The following GSG1L variants were observed in gnomAD, a reference collection of about 807,000 sequenced individuals.
The protein encoded by GSG1L is germ cell-specific gene 1-like protein.
GSG1L carries 24 observed loss-of-function variants against 42.1 expected under a neutral mutation model. The ratio of observed to expected loss-of-function variants is 0.57; its 90% CI spans 0.41 to 0.80. The LOEUF (loss-of-function observed/expected upper bound fraction) is 0.80. Among genes scored for constraint, GSG1L ranks in the 30% least tolerant of loss-of-function variants. The pLI, the probability that GSG1L is intolerant of heterozygous loss-of-function variation, is 0.00. For synonymous variants in GSG1L, 215 were observed against 203.5 expected (o/e 1.06, Z -0.48); for missense variants, 445 against 472.2 (o/e 0.94, Z 0.53).
intron 1 of GSG1L, among the ~76,000 whole-genome samples, chr16:28,057,784 C>T (rs1260818430): frequency 6.6e-6 from 1 of 152,172 alleles, no homozygotes; most frequent in Non-Finnish European, 1.5e-5. Context: ...TCCTCATGCC[C>T]CAGCCAAGGA....
At chr16:27,979,661 A>G (rs867406620) in intron 1 of GSG1L, among the ~76,000 whole-genome samples, 21 of 67,712 alleles carry the variant, frequency 3.1e-4, no homozygotes, top group African/African-American at 5.8e-4. Context: ...GAAAGAAAGA[A>G]AGAGAGAGAG....
intron 1 of GSG1L, among the ~76,000 whole-genome samples, chr16:27,973,385 A>T (rs2085214329): frequency 7.6e-6 from 1 of 131,736 alleles, no homozygotes. Context: ...TGGAGGTTGC[A>T]GTGAGCTGAG....
Position 27,940,709 on chromosome 16 carries a change from G to C in GSG1L, c.397+22447C>G, listed in dbSNP as rs540092263. Among the ~76,000 whole-genome samples, 44 of 112,248 alleles carry C rather than the reference G, an allele frequency of 3.9e-4. No individual in the cohort carries two copies. In the South Asian group the frequency reaches 5.3e-3, roughly 14 times the overall value. The allele number at this position is 112,248 out of a possible 152,430, so 73.6% of individuals were successfully genotyped here. On this transcript the variant is annotated intron_variant, in intron 2 of 6. Transcript: ENST00000447459. ...CACACTCTGGGGACTGTTGTGGGGTGGGGGGAGTGGGGAGGGATAGCATTA... is the reference window on the plus strand; with the variant it reads ...CACACTCTGGGGACTGTTGTGGGGTCGGGGGAGTGGGGAGGGATAGCATTA...
Position 27,898,501 on chromosome 16 carries a change from A to AT in GSG1L, c.398-13864dup, listed in dbSNP as rs150170060. 7.3e-3 allele frequency among the ~76,000 whole-genome samples: 1,104 copies of AT among 152,020 alleles called. 19 individuals carry two copies. Among genetic ancestry groups the AT allele is most frequent in the African/African-American group, 0.026 (1,067 of 41,446 alleles). Reference sequence around the variant, plus strand: ...ACTGGCTCAAAGACAGGTTTTTGAGATTTTTTGTTTTGTTTACTGTTTGCT... The same window carrying AT: ...ACTGGCTCAAAGACAGGTTTTTGAGATTTTTTTGTTTTGTTTACTGTTTGCT... On this transcript the variant is annotated intron_variant, in intron 2 of 6. Transcript: ENST00000447459.
chr16:27,997,299 G>T (rs1158367877), intron 1 of GSG1L, among the ~76,000 whole-genome samples: 1 of 141,888 alleles, frequency 7.0e-6, no homozygotes, highest in Non-Finnish European at 1.5e-5. Context: ...CAGCTGGGAA[G>T]TGTTCTCCAC....
chr16:28,011,922 C>T (rs2085723555), intron 1 of GSG1L, among the ~76,000 whole-genome samples: 1 of 152,164 alleles, frequency 6.6e-6, no homozygotes, highest in South Asian at 2.1e-4. Context: ...TCCCAGTGAG[C>T]ACAGCCAACT....
chr16:27,927,331 G>T (rs1160460281), intron 2 of GSG1L, among the ~76,000 whole-genome samples: 2 of 152,014 alleles, frequency 1.3e-5, no homozygotes, highest in African/African-American at 4.8e-5. Context: ...TAGAGATGGG[G>T]TCTCACGGTG....
chr16:27,976,450 T>C (rs974102466), intron 1 of GSG1L, among the ~76,000 whole-genome samples: 3 of 152,174 alleles, frequency 2.0e-5, no homozygotes, highest in African/African-American at 7.2e-5. Context: ...TTAATAGTAC[T>C]TCATAAATCG....
At position 27,800,096 on chromosome 16, in the gene GSG1L, G is replaced by A. The variant is rs753935290; in HGVS notation, c.898+7391C>T. On this transcript the variant is annotated intron_variant, in intron 6 of 6. Coordinates refer to ENST00000447459, the MANE Select transcript of GSG1L (RefSeq NM_001109763.2). Reference sequence around the variant, plus strand: ...ATGCTCCTGTTGGCTTGGATCTCTCGACCCCCAGTGCTGAGGTCTCAGATG... The same window carrying A: ...ATGCTCCTGTTGGCTTGGATCTCTCAACCCCCAGTGCTGAGGTCTCAGATG... 1.2e-4 allele frequency among the ~76,000 whole-genome samples: 19 copies of A among 152,066 alleles called. 1 individual carries two copies. Among genetic ancestry groups the A allele is most frequent in the South Asian group, 2.1e-4 (1 of 4,814 alleles).
At chr16:27,803,796 G>GATATATATATATATATAGATATATATAT (rs879523842) in intron 6 of GSG1L, among the ~76,000 whole-genome samples, 5 of 73,828 alleles carry the variant, frequency 6.8e-5, no homozygotes, top group African/African-American at 2.7e-4. Context: ...TATATATATA[G>GATATATATATATATATAGATATATATAT]ATAGATAGAT....
intron 5 of GSG1L, among the ~76,000 whole-genome samples, chr16:27,826,386 TTCCTCG>T (rs1239434167): frequency 6.6e-6 from 1 of 152,194 alleles, no homozygotes. Flanking sequence ...TCCTGTCCCC[TTCCTCG>T]TCCTCGTCCT....
intron 5 of GSG1L, among the ~76,000 whole-genome samples, chr16:27,827,777 C>T (rs908237998): frequency 1.3e-5 from 2 of 152,112 alleles, no homozygotes; most frequent in African/African-American, 4.8e-5. Context: ...CTCATACCTA[C>T]TCATCTATAC....
At chr16:27,803,800 G>GATAGATAT (rs2082917674) in intron 6 of GSG1L, among the ~76,000 whole-genome samples, 47 of 74,230 alleles carry the variant, frequency 6.3e-4, no homozygotes, top group African/African-American at 2.3e-3. Flanking sequence ...TATATAGATA[G>GATAGATAT]ATAGATATAG....
At chr16:27,999,214 G>A (rs570062145) in intron 1 of GSG1L, among the ~76,000 whole-genome samples, 11 of 152,278 alleles carry the variant, frequency 7.2e-5, no homozygotes, top group African/African-American at 2.2e-4. Context: ...AGGCCAAGGC[G>A]GGCAGATCAC....
intron 1 of GSG1L, among the ~76,000 whole-genome samples, chr16:27,993,583 C>T (rs949642815): frequency 6.6e-6 from 1 of 152,048 alleles, no homozygotes; most frequent in Non-Finnish European, 1.5e-5. Flanking sequence ...GGCCCAGCCT[C>T]GAAAAAAGCC....
chr16:28,058,737 A>G (rs1345144171), intron 1 of GSG1L, among the ~76,000 whole-genome samples: 3 of 152,046 alleles, frequency 2.0e-5, no homozygotes, highest in Admixed American at 2.0e-4. Flanking sequence ...TGACACTAAC[A>G]TACTCCCAAG....
At chr16:27,967,990 G>A (rs2085153922) in intron 1 of GSG1L, among the ~76,000 whole-genome samples, 1 of 152,082 alleles carries the variant, frequency 6.6e-6, no homozygotes, top group Admixed American at 6.6e-5. Context: ...TAAACTTTCT[G>A]TACTGTTATA....
chr16:27,947,370 GAAAGAAAGAAAGAA>G (rs2084884972), intron 2 of GSG1L, among the ~76,000 whole-genome samples: 3 of 100,270 alleles, frequency 3.0e-5, no homozygotes, highest in African/African-American at 3.5e-5. Flanking sequence ...GAGGAGGAGA[GAAAGAAAGAAAGAA>G]AAAGAAAGAA....
At chr16:27,913,930 TC>T (rs1269043922) in intron 2 of GSG1L, among the ~76,000 whole-genome samples, 1 of 151,906 alleles carries the variant, frequency 6.6e-6, no homozygotes, top group East Asian at 1.9e-4. Context: ...GAAAATAGTT[TC>T]CCATATAAGG....
Sources: gnomAD v4.1 joint callset for allele counts (sites outside exome capture counted in the v4.1 genomes callset) on GRCh38, gnomAD v4.1.1 for gene constraint, MANE v1.5 for transcripts, NCBI Gene and HGNC (gene_info 2026-07-23, HGNC 2026-07-21) for gene names.